Variants in ASB18 observed in about 807,000 individuals in gnomAD.
ASB18 encodes ankyrin repeat and SOCS box protein 18.
In ASB18, 33 loss-of-function variants were observed where a neutral mutation model predicts 33.4. That is an observed-to-expected ratio of 0.99 (90% CI 0.75 to 1.32). The LOEUF (loss-of-function observed/expected upper bound fraction) is 1.32, where lower values mean the gene tolerates loss of function less well. Among genes scored for constraint, ASB18 ranks in the 40% most tolerant of loss-of-function variants. The probability of loss-of-function intolerance (pLI) is 0.00; values close to 1 mark genes in which losing one functional copy is unlikely to be tolerated. For missense variants in ASB18, 694 were observed against 655.5 expected (o/e 1.06, Z -0.64); for synonymous variants, 295 against 307.6 (o/e 0.96, Z 0.43).
Position 236,193,729 on chromosome 2 carries a change from G to A in ASB18, c.*1143C>T, listed in dbSNP as rs2060357995. Among the ~76,000 whole-genome samples, 1 of 152,200 alleles carries A rather than the reference G, an allele frequency of 6.6e-6. No homozygotes were observed. On this transcript the variant is annotated 3_prime_UTR_variant, in exon 6 of 6. Transcript: ENST00000409749. The surrounding 1 kb of genome is among the most constrained non-coding windows in gnomAD (Gnocchi z 5.0). ...GAGAATTGCTTGAACCTGGGAGGCG[G>A]AGGTTGCGGTGAGCCAAGATTGCGC...
rs2060665249 is a variant in ASB18 at position 236,250,779 on chromosome 2, A to G, written c.206-9377T>C. On this transcript the variant is annotated intron_variant, in intron 1 of 5. Coordinates refer to ENST00000409749, the MANE Select transcript of ASB18 (RefSeq NM_212556.4). The surrounding 1 kb of genome is among the most constrained non-coding windows in gnomAD (Gnocchi z 4.1). ...ATATTTTAAAAGTAAGAAGCTGGGC[A>G]GGTATATAAAGTTCTGCTTTTAAGA... The G allele has an allele frequency of 6.6e-6, 1 of 152,232 alleles. No homozygotes were observed. The highest frequency in any genetic ancestry group is 2.1e-4 in the South Asian group (1 of 4,826). 9.4% of individuals were successfully genotyped at this position (152,232 alleles called of 1,614,324 possible).
Position 236,212,511 on chromosome 2 carries a change from C to CT in ASB18, c.1101+1850dup, listed in dbSNP as rs970981621. ...AGTCGCTACTGAAATATATTGACTC[C>CT]TTTTTTTTTCTTTAAAATAAATTGC... is the stretch of plus-strand genomic sequence containing the variant. On this transcript the variant is annotated intron_variant, in intron 4 of 5. Coordinates refer to ENST00000409749, the MANE Select transcript of ASB18 (RefSeq NM_212556.4). Among the ~76,000 whole-genome samples, 15 of 151,792 alleles carry CT rather than the reference C, an allele frequency of 9.9e-5. No individual in the cohort carries two copies. The South Asian group carries it at 1.7e-3, about 17-fold the overall frequency.
At chr2:236,212,613 CTTTGT>C (rs1218009435) in intron 4 of ASB18, among the ~76,000 whole-genome samples, 12 of 151,960 alleles carry the variant, frequency 7.9e-5, no homozygotes, top group Non-Finnish European at 2.9e-5. Context: ...CATCCTGTAA[CTTTGT>C]TTTCTCTTTT....
At chr2:236,247,738 A>G (rs2060651383) in intron 1 of ASB18, 1 of 152,338 alleles carries the variant, frequency 6.6e-6, no homozygotes, top group East Asian at 1.9e-4. Flanking sequence ...ACTTCTTTCA[A>G]GAGTGAATTT....
intron 1 of ASB18, among the ~76,000 whole-genome samples, chr2:236,242,502 AAAG>A (rs1298183579): frequency 2.0e-5 from 3 of 152,282 alleles, no homozygotes; most frequent in African/African-American, 4.8e-5. Context: ...GGAAAAATCA[AAAG>A]AAGAATAATA....
chr2:236,194,666 C>T lies in ASB18; in HGVS notation c.*206G>A, dbSNP rs1205767990. On this transcript the variant is annotated 3_prime_UTR_variant, in exon 6 of 6. Transcript: ENST00000409749. This position sits in a 1 kb window ranked among gnomAD's most constrained non-coding sequence, Gnocchi z 4.5. The stretch of plus-strand genomic sequence containing the variant: ...TTTCACTGGATTTTCACAAGCGACC[C>T]TGAGAGGCAGAAAGGGCTTTTGTTG... Among the ~76,000 whole-genome samples the T allele has an allele frequency of 6.6e-6, 1 of 152,206 alleles. No homozygotes were observed. The highest frequency in any genetic ancestry group is 1.5e-5 in the Non-Finnish European group (1 of 68,034).
Position 236,196,406 on chromosome 2 carries a change from A to T in ASB18, c.1102-21T>A, listed in dbSNP as rs576887008. 493 of 1,416,432 alleles carry T rather than the reference A, an allele frequency of 3.5e-4. 7 individuals are homozygous for T. In the South Asian group the frequency reaches 5.8e-3, roughly 17 times the overall value. The allele number at this position is 1,416,432 out of a possible 1,614,324, so 87.7% of individuals were successfully genotyped here. ...AGCACCTGGTGGGAAGAGGTGAAAG[A>T]CGCAGCGTAGGCCGACTGGGTTCTG... On this transcript the variant is annotated intron_variant, in intron 4 of 5. Transcript: ENST00000409749. The surrounding 1 kb of genome is among the most constrained non-coding windows in gnomAD (Gnocchi z 5.6).
rs938664387 is a variant in ASB18 at position 236,220,336 on chromosome 2, C to T, written c.597-5470G>A. ...CTCCTTCCTTTACCCACCTGTCTCA[C>T]CCACCTGCTCCCACCTGTCTCAGCT... On this transcript the variant is annotated intron_variant, in intron 3 of 5. Transcript: ENST00000409749. This position sits in a 1 kb window ranked among gnomAD's most constrained non-coding sequence, Gnocchi z 5.1. Among the ~76,000 whole-genome samples the T allele has an allele frequency of 9.9e-5, 15 of 152,172 alleles. No individual in the cohort carries two copies. Among genetic ancestry groups the T allele is most frequent in the Non-Finnish European group, 2.1e-4 (14 of 68,032 alleles).
rs1444097581 is a variant in ASB18, at chr2:236,196,466, G to C, written c.1102-81C>G. On this transcript the variant is annotated intron_variant, in intron 4 of 5. Coordinates refer to ENST00000409749, the MANE Select transcript of ASB18 (RefSeq NM_212556.4). This position sits in a 1 kb window ranked among gnomAD's most constrained non-coding sequence, Gnocchi z 5.6. Reference sequence around the variant, plus strand: ...GGGGAAAGGGTGGGGGGTGTGGGGGGATGCTCTCCCTAGCTGTGTGACCTC... The same window carrying C: ...GGGGAAAGGGTGGGGGGTGTGGGGGCATGCTCTCCCTAGCTGTGTGACCTC... 1.3e-6 allele frequency: 1 copy of C among 745,646 alleles called. No individual in the cohort carries two copies. The highest frequency in any genetic ancestry group is 2.4e-6 in the Non-Finnish European group (1 of 422,272). 46.2% of individuals were successfully genotyped at this position (745,646 alleles called of 1,614,324 possible). A position where few individuals can be genotyped will look rare whatever the true frequency, so the allele number is the denominator to read the frequency against.
rs569150497 is a variant in ASB18 at position 236,219,759 on chromosome 2, A to T, written c.597-4893T>A. Among the ~76,000 whole-genome samples, 2 of 152,266 alleles carry T rather than the reference A, an allele frequency of 1.3e-5. No homozygotes were observed. Among genetic ancestry groups the T allele is most frequent in the East Asian group, 3.9e-4 (2 of 5,166 alleles). The stretch of plus-strand genomic sequence containing the variant: ...CTTTGCAGGTCTATGTCTGGGACCC[A>T]GCCTTGGCTGAGCCTTTTACTCCAA... On this transcript the variant is annotated intron_variant, in intron 3 of 5. Coordinates refer to ENST00000409749, the MANE Select transcript of ASB18 (RefSeq NM_212556.4). The surrounding 1 kb of genome is among the most constrained non-coding windows in gnomAD (Gnocchi z 6.4).
Position 236,195,027 on chromosome 2 carries a change from C to A in ASB18, c.1246G>T (p.Ala416Ser), listed in dbSNP as rs1553598135. 6.2e-7 allele frequency: 1 copy of A among 1,612,904 alleles called. No individual in the cohort carries two copies. The change falls in exon 6 of 6, where the codon GCC becomes TCC. Residue 416 changes from alanine (A) to serine (S), a missense_variant. Ala to Ser is a moderately conservative substitution (Grantham distance 99). Transcript: ENST00000409749. This position sits in a 1 kb window ranked among gnomAD's most constrained non-coding sequence, Gnocchi z 5.5. ...MHKPFYQSLF[A>S]LALTPRCLQH... is the part of the protein sequence containing the mutation. ...AGGCAGCGTGGGGTGAGGGCCAAGG[C>A]AAAGAGGGACTGGTAGAACGGCTTG...
chr2:236,229,834 C>T lies in ASB18; in HGVS notation c.596+7855G>A, dbSNP rs1271179914. Among the ~76,000 whole-genome samples the T allele has an allele frequency of 6.6e-6, 1 of 152,016 alleles. No individual in the cohort carries two copies. The highest frequency in any genetic ancestry group is 1.5e-5 in the Non-Finnish European group (1 of 68,018). ...CCAGCCTGGGCAACAGAGTGAGACA[C>T]CATTTAATAATAATAATAAAAAGAA... is the stretch of plus-strand genomic sequence containing the variant. On this transcript the variant is annotated intron_variant, in intron 3 of 5. Coordinates refer to ENST00000409749, the MANE Select transcript of ASB18 (RefSeq NM_212556.4). The surrounding 1 kb of genome is among the most constrained non-coding windows in gnomAD (Gnocchi z 5.2).
Position 236,214,529 on chromosome 2 carries a change from G to C in ASB18, c.934C>G (p.Leu312Val), listed in dbSNP as rs1311673132. The change falls in exon 4 of 6, where the codon CTA becomes GTA. Residue 312 changes from leucine to valine, a missense_variant. Transcript: ENST00000409749. The surrounding 1 kb of genome is among the most constrained non-coding windows in gnomAD (Gnocchi z 6.5). Reference sequence around the variant, plus strand: ...CCCGCGTCGGCGCCGTGCCGCAGTAGGAGGCGCGCCAGGCTGTGGCTCGCG... The same window carrying C: ...CCCGCGTCGGCGCCGTGCCGCAGTACGAGGCGCGCCAGGCTGTGGCTCGCG... ...GHASHSLARL[L>V]LRHGADAGAL... The C allele has an allele frequency of 2.1e-6, 3 of 1,439,780 alleles. No individual in the cohort carries two copies. The highest frequency in any genetic ancestry group is 1.5e-5 in the African/African-American group (1 of 66,300). 89.2% of individuals were successfully genotyped at this position (1,439,780 alleles called of 1,614,324 possible).
rs932346625 is a variant in ASB18 at position 236,244,870 on chromosome 2, C to G, written c.206-3468G>C. On this transcript the variant is annotated intron_variant, in intron 1 of 5. Coordinates refer to ENST00000409749, the MANE Select transcript of ASB18 (RefSeq NM_212556.4). The surrounding 1 kb of genome is among the most constrained non-coding windows in gnomAD (Gnocchi z 6.1). ...CCTTGTTGTAGAACCCTTGTTCTGA[C>G]CCCTGTTACAGGCATGAGTTTATGT... 1.3e-5 allele frequency among the ~76,000 whole-genome samples: 2 copies of G among 152,192 alleles called. No individual in the cohort carries two copies. Among genetic ancestry groups the G allele is most frequent in the Admixed American group, 1.3e-4 (2 of 15,286 alleles).
In ASB18 at chr2:236,261,449, C is replaced by T. The variant is rs139911795; in HGVS notation, c.205+2692G>A. On this transcript the variant is annotated intron_variant, in intron 1 of 5. Transcript: ENST00000409749. ...GCCAGAGTGGCATACCCCAAATGAA[C>T]GTCTGACCGTGTTGCTCCCTGCACC... 2.7e-4 allele frequency among the ~76,000 whole-genome samples: 41 copies of T among 152,310 alleles called. No individual in the cohort carries two copies. In the East Asian group the frequency reaches 6.7e-3, roughly 25 times the overall value.
Position 236,219,463 on chromosome 2 carries a change from G to A in ASB18, c.597-4597C>T, listed in dbSNP as rs2060501408. On this transcript the variant is annotated intron_variant, in intron 3 of 5. Coordinates refer to ENST00000409749, the MANE Select transcript of ASB18 (RefSeq NM_212556.4). The surrounding 1 kb of genome is among the most constrained non-coding windows in gnomAD (Gnocchi z 6.4). ...GTATAAGCAGCATTTTGGAACGTATGTATGGCAATGCCCATGAGAAGGTGA... is the reference window on the plus strand; with the variant it reads ...GTATAAGCAGCATTTTGGAACGTATATATGGCAATGCCCATGAGAAGGTGA... Among the ~76,000 whole-genome samples, 1 of 152,170 alleles carries A rather than the reference G, an allele frequency of 6.6e-6. No homozygotes were observed. Among genetic ancestry groups the A allele is most frequent in the Non-Finnish European group, 1.5e-5 (1 of 68,032 alleles).
Position 236,222,639 on chromosome 2 carries a change from T to G in ASB18, c.597-7773A>C, listed in dbSNP as rs2060517858. Among the ~76,000 whole-genome samples the G allele has an allele frequency of 6.6e-6, 1 of 152,174 alleles. No homozygotes were observed. The highest frequency in any genetic ancestry group is 2.4e-5 in the African/African-American group (1 of 41,436). On this transcript the variant is annotated intron_variant, in intron 3 of 5. Coordinates refer to ENST00000409749, the MANE Select transcript of ASB18 (RefSeq NM_212556.4). The surrounding 1 kb of genome is among the most constrained non-coding windows in gnomAD (Gnocchi z 5.5). ...GGCCTGGTGGGAGGTGGTTGGTTCA[T>G]GGGGGTAGGTCTCTCACGAATGGTT...
rs1437946636 is a variant in ASB18, at chr2:236,200,291, G to A, written c.1102-3906C>T. On this transcript the variant is annotated intron_variant, in intron 4 of 5. Coordinates refer to ENST00000409749, the MANE Select transcript of ASB18 (RefSeq NM_212556.4). This position sits in a 1 kb window ranked among gnomAD's most constrained non-coding sequence, Gnocchi z 4.2. The stretch of plus-strand genomic sequence containing the variant: ...TTGAATCCAGGAGGTGGAGGTTGCA[G>A]TGAGCTGAGATCATGCCACTGCACT... Among the ~76,000 whole-genome samples the A allele has an allele frequency of 6.6e-6, 1 of 152,162 alleles. No individual in the cohort carries two copies. Among genetic ancestry groups the A allele is most frequent in the Non-Finnish European group, 1.5e-5 (1 of 68,030 alleles).
At position 236,244,005 on chromosome 2, in the gene ASB18, T is replaced by G. The variant is rs2060633575; in HGVS notation, c.206-2603A>C. Among the ~76,000 whole-genome samples, 1 of 152,194 alleles carries G rather than the reference T, an allele frequency of 6.6e-6. No homozygotes were observed. The highest frequency in any genetic ancestry group is 6.5e-5 in the Admixed American group (1 of 15,286). On this transcript the variant is annotated intron_variant, in intron 1 of 5. Coordinates refer to ENST00000409749, the MANE Select transcript of ASB18 (RefSeq NM_212556.4). The surrounding 1 kb of genome is among the most constrained non-coding windows in gnomAD (Gnocchi z 6.1). ...CCAAACCCAGCTAATTTTTTAATTT[T>G]TAGTAGAGACAGGGTTTCACCTTGT... is the stretch of plus-strand genomic sequence containing the variant.
Sources: allele counts gnomAD v4.1 joint callset (sites outside exome capture counted in the v4.1 genomes callset), GRCh38; gene constraint gnomAD v4.1.1; non-coding constraint Gnocchi (gnomAD v3.1); transcripts MANE v1.5; gene names NCBI Gene and HGNC (gene_info 2026-07-23, HGNC 2026-07-21).